The following ABCA13 variants were observed in gnomAD, a reference collection of about 807,000 sequenced individuals.
The protein encoded by ABCA13 is ATP binding cassette subfamily A member 13.
Under a neutral mutation model 478.7 loss-of-function variants are expected in ABCA13, and 476 were observed. The ratio of observed to expected loss-of-function variants is 0.99; its 90% CI spans 0.92 to 1.07. The LOEUF (loss-of-function observed/expected upper bound fraction) is 1.07, where lower values mean the gene tolerates loss of function less well. ABCA13 is among the 50% of genes least tolerant of loss of function. The pLI, the probability that ABCA13 is intolerant of heterozygous loss-of-function variation, is 0.00. For missense variants in ABCA13, 6,060 were observed against 5,910.6 expected, an observed-to-expected ratio of 1.03 and a Z score of -0.83; for synonymous variants, 2,252 against 2,158.9, an observed-to-expected ratio of 1.04 and a Z score of -1.20.
At chr7:48,511,221 T>C in intron 51 of ABCA13, 22 bp downstream of exon 51, 2 of 1,581,916 alleles carry the variant, frequency 1.3e-6, no homozygotes, top group Non-Finnish European at 1.7e-6. Context: ...GAAACGCTGC[T>C]GCAGAATTAC....
At chr7:48,455,320 A>T (rs1347686915) in intron 43 of ABCA13, 34 bp downstream of exon 43, 2 of 1,570,828 alleles carry the variant, frequency 1.3e-6, no homozygotes, top group South Asian at 2.3e-5. Context: ...TTTCGAAATT[A>T]TGTCGAGGCA....
intron 28 of ABCA13, among the ~76,000 whole-genome samples, chr7:48,337,159 G>A (rs556010514): frequency 7.9e-5 from 12 of 152,156 alleles, no homozygotes; most frequent in African/African-American, 2.4e-4. Context: ...AAGGGAACTC[G>A]CAGTACCTTG....
At chr7:48,543,252 G>A (rs2131141518) in intron 55 of ABCA13, among the ~76,000 whole-genome samples, 1 of 151,794 alleles carries the variant, frequency 6.6e-6, no homozygotes, top group South Asian at 2.1e-4. Context: ...CTGAAAACAA[G>A]GATCAAATAA....
intron 58 of ABCA13, among the ~76,000 whole-genome samples, chr7:48,598,039 A>G (rs918835403): frequency 2.6e-5 from 4 of 152,186 alleles, no homozygotes; most frequent in Admixed American, 1.3e-4. Flanking sequence ...AGAATCCACC[A>G]TTATAGTATC....
At chr7:48,348,446 A>G (rs1332364997) in intron 29 of ABCA13, among the ~76,000 whole-genome samples, 1 of 152,240 alleles carries the variant, frequency 6.6e-6, no homozygotes, top group East Asian at 1.9e-4. Context: ...CTGTGCAATT[A>G]CATGTTTCTG....
At chr7:48,403,994 C>A in intron 39 of ABCA13, 115 bp downstream of exon 39, 1 of 1,271,562 alleles carries the variant, frequency 7.9e-7, no homozygotes, top group Non-Finnish European at 1.1e-6. Context: ...TTATCCTTTT[C>A]AGAAAAATAT....
rs372300929 is a variant in ABCA13, at chr7:48,587,139, A to T, written c.14506-15A>T. The T allele has an allele frequency of 2.5e-6, 4 of 1,612,758 alleles. No individual in the cohort carries two copies. The highest frequency in any genetic ancestry group is 3.4e-6 in the Non-Finnish European group (4 of 1,179,494). On this transcript the variant is annotated splice_polypyrimidine_tract_variant and intron_variant, in intron 56 of 61. Coordinates refer to ENST00000435803, the MANE Select transcript of ABCA13 (RefSeq NM_152701.5). ...GGTGAATGCTGGTGTGCACATGGAC[A>T]TGCCTCTCTTCCAGGTTGCTGGAGA...
intron 3 of ABCA13, among the ~76,000 whole-genome samples, chr7:48,207,094 C>T (rs556889453): frequency 5.9e-5 from 9 of 152,148 alleles, no homozygotes; most frequent in African/African-American, 1.9e-4. Context: ...GCTTATTTCC[C>T]TTAACATAAT....
At chr7:48,301,828 A>T (rs1379296302) in intron 23 of ABCA13, among the ~76,000 whole-genome samples, 2 of 151,760 alleles carry the variant, frequency 1.3e-5, no homozygotes, top group African/African-American at 4.8e-5. Flanking sequence ...GATTTGTTTG[A>T]TTTGTTGTCC....
intron 59 of ABCA13, chr7:48,626,867 T>G: frequency 1.0e-6 from 1 of 985,444 alleles, no homozygotes; most frequent in South Asian, 4.7e-5. Flanking sequence ...GGAGAATTCC[T>G]ACGAGGAAGG....
intron 58 of ABCA13, among the ~76,000 whole-genome samples, chr7:48,610,525 T>C (rs1005206652): frequency 6.6e-6 from 1 of 152,240 alleles, no homozygotes; most frequent in Non-Finnish European, 1.5e-5. Flanking sequence ...CTCACAGTTC[T>C]ACTAGGCACT....
chr7:48,423,537 G>A (rs1285319638), intron 41 of ABCA13, among the ~76,000 whole-genome samples: 3 of 152,050 alleles, frequency 2.0e-5, no homozygotes. Context: ...AAAAGGATGG[G>A]GCATAGGACT....
intron 23 of ABCA13, among the ~76,000 whole-genome samples, chr7:48,307,404 C>G (rs1339524442): frequency 2.0e-5 from 3 of 152,114 alleles, no homozygotes; most frequent in Non-Finnish European, 4.4e-5. Context: ...TATACCTGTT[C>G]TAAACATAGA....
intron 15 of ABCA13, among the ~76,000 whole-genome samples, chr7:48,268,448 C>T (rs1305393525): frequency 1.3e-5 from 2 of 152,156 alleles, no homozygotes; most frequent in African/African-American, 2.4e-5. Flanking sequence ...CGTGAGCCAC[C>T]ACACCCGGAC....
At chr7:48,209,529 G>C (rs1315933321) in intron 3 of ABCA13, among the ~76,000 whole-genome samples, 1 of 151,996 alleles carries the variant, frequency 6.6e-6, no homozygotes, top group Non-Finnish European at 1.5e-5. Flanking sequence ...GTTTATTACT[G>C]TTATCTTATT....
chr7:48,376,326 T>C, intron 34 of ABCA13, 115 bp from the exon 35 acceptor site: 1 of 1,287,266 alleles, frequency 7.8e-7, no homozygotes, highest in Non-Finnish European at 1.1e-6. Context: ...ACCTTCTTTT[T>C]GTTTTAGTTC....
intron 32 of ABCA13, among the ~76,000 whole-genome samples, chr7:48,369,376 A>G (rs1188161226): frequency 6.6e-6 from 1 of 152,186 alleles, no homozygotes; most frequent in African/African-American, 2.4e-5. Context: ...TTTGCTGTGC[A>G]GAAGCCATTT....
chr7:48,345,820 A>C (rs936355923), intron 29 of ABCA13, among the ~76,000 whole-genome samples: 4 of 152,216 alleles, frequency 2.6e-5, no homozygotes, highest in Non-Finnish European at 5.9e-5. Context: ...AGGCCTTCAC[A>C]TTCACTCACT....
rs565953053 is a variant in ABCA13, at chr7:48,219,414, A to G, written c.348A>G (p.Lys116=). 23 of 1,613,100 alleles carry G rather than the reference A, an allele frequency of 1.4e-5. No individual in the cohort carries two copies. In the East Asian group the frequency reaches 3.1e-4, roughly 22 times the overall value. The change falls in exon 4 of 62, where the codon AAA becomes AAG. Residue 116 remains lysine (K), a synonymous_variant. Coordinates refer to ENST00000435803, the MANE Select transcript of ABCA13 (RefSeq NM_152701.5). ...AAGTCAACAACCTGGCCTTTTTAAA[A>G]GAGATACAAGACCTGGCAGAGGAAA... ...PKKVNNLAFL[K]EIQDLAEEIH... is the part of the protein sequence containing the mutation.
Sources: gnomAD v4.1 joint callset for allele counts (sites outside exome capture counted in the v4.1 genomes callset) on GRCh38, gnomAD v4.1.1 for gene constraint, MANE v1.5 for transcripts, NCBI Gene and HGNC (gene_info 2026-07-23, HGNC 2026-07-21) for gene names.